The following EPHB4 variants were observed in gnomAD, a reference collection of about 807,000 sequenced individuals.
EPHB4 encodes the protein EPH receptor B4.
A neutral mutation model predicts 110.6 loss-of-function variants in EPHB4; 50 were observed. The ratio of observed to expected loss-of-function variants is 0.45; its 90% CI spans 0.36 to 0.57. The LOEUF (loss-of-function observed/expected upper bound fraction) is 0.57. Ranked by LOEUF, EPHB4 falls within the 20% of genes least tolerant of loss-of-function variation. The probability of loss-of-function intolerance (pLI) is 0.00; values close to 1 mark genes in which losing one functional copy is unlikely to be tolerated. For missense variants in EPHB4, 1,128 were observed against 1,382.1 expected (o/e 0.82, Z 2.91); for synonymous variants, 592 against 578.4 (o/e 1.02, Z -0.34).
intron 16 of EPHB4, among the ~76,000 whole-genome samples, chr7:100,803,812 G>A (rs1584651294): frequency 1.3e-5 from 2 of 152,200 alleles, no homozygotes; most frequent in Non-Finnish European, 2.9e-5. Flanking sequence ...GCCAGAGGCA[G>A]GGCCTTTGGC....
At chr7:100,814,042 G>T in intron 8 of EPHB4, 21 bp from the exon 9 acceptor site, 2 of 1,612,564 alleles carry the variant, frequency 1.2e-6, no homozygotes, top group Non-Finnish European at 1.7e-6. Flanking sequence ...AAAGGCTGCT[G>T]ATCAGGAGAA....
At chr7:100,811,385 T>C (rs1471450837) in intron 12 of EPHB4, among the ~76,000 whole-genome samples, 3 of 152,316 alleles carry the variant, frequency 2.0e-5, no homozygotes, top group Non-Finnish European at 2.9e-5. Flanking sequence ...TTGCTTTTTT[T>C]CACATTTGAA....
intron 4 of EPHB4, among the ~76,000 whole-genome samples, chr7:100,821,885 G>A (rs1813243549): frequency 6.6e-6 from 1 of 151,872 alleles, no homozygotes; most frequent in African/African-American, 2.4e-5. Context: ...TTCCAGCTGG[G>A]TGTGGTGACG....
chr7:100,823,947 G>C lies in EPHB4; in HGVS notation c.124-16C>G. Reference sequence around the variant, plus strand: ...GTTCCTCCCACTGTGCAGAGAAGGAGGTCAGCAAGGGGGCTGGGGAGCCGC... The same window carrying C: ...GTTCCTCCCACTGTGCAGAGAAGGACGTCAGCAAGGGGGCTGGGGAGCCGC... On this transcript the variant is annotated splice_polypyrimidine_tract_variant and intron_variant, in intron 2 of 16. Transcript: ENST00000358173. The C allele has an allele frequency of 1.3e-6, 2 of 1,562,038 alleles. No individual in the cohort carries two copies. Among genetic ancestry groups the C allele is most frequent in the Non-Finnish European group, 1.7e-6 (2 of 1,151,576 alleles).
chr7:100,827,175 G>A lies in EPHB4; in HGVS notation c.-145C>T. ...TCAGCGCGGGCCCATGCGAGCGTGCGGGGCACCGGGCGGCGGCGCCAAGTG... is the reference window on the plus strand; with the variant it reads ...TCAGCGCGGGCCCATGCGAGCGTGCAGGGCACCGGGCGGCGGCGCCAAGTG... On this transcript the variant is annotated 5_prime_UTR_variant, in exon 1 of 17. Coordinates refer to ENST00000358173, the MANE Select transcript of EPHB4 (RefSeq NM_004444.5). 2 of 761,808 alleles carry A rather than the reference G, an allele frequency of 2.6e-6. No individual in the cohort carries two copies. The highest frequency in any genetic ancestry group is 3.7e-6 in the Non-Finnish European group (2 of 543,266). The allele number at this position is 761,808 out of a possible 1,614,324, so 47.2% of individuals were successfully genotyped here.
intron 12 of EPHB4, 47 bp from the exon 13 acceptor site, chr7:100,807,627 C>A (rs78791462): frequency 1.3e-6 from 2 of 1,566,184 alleles, no homozygotes; most frequent in East Asian, 2.3e-5. Flanking sequence ...GCCCACCCAC[C>A]GTTCCCCCTC....
chr7:100,805,035 A>G (rs912750363), intron 16 of EPHB4, 131 bp downstream of exon 16: 66 of 1,226,896 alleles, frequency 5.4e-5, no homozygotes, highest in Non-Finnish European at 7.2e-5. Context: ...CCTTCTAGGC[A>G]TGGCATGAGC....
At chr7:100,821,653 G>C (rs1184635117) in intron 4 of EPHB4, among the ~76,000 whole-genome samples, 1 of 150,220 alleles carries the variant, frequency 6.7e-6, no homozygotes, top group Non-Finnish European at 1.5e-5. Context: ...ATTTTTTTTA[G>C]AGACGGGGTC....
At chr7:100,815,702 C>T (rs1813049832) in intron 8 of EPHB4, among the ~76,000 whole-genome samples, 2 of 151,810 alleles carry the variant, frequency 1.3e-5, no homozygotes, top group Admixed American at 1.3e-4. Context: ...GCCACTGGTC[C>T]AATGCTGGGT....
intron 14 of EPHB4, chr7:100,806,165 G>A: frequency 3.3e-6 from 1 of 300,282 alleles, no homozygotes; most frequent in South Asian, 9.1e-5. Context: ...TCACCATGTT[G>A]GCCAGGCTGG....
In EPHB4 at chr7:100,817,332, C is replaced by T. The variant is rs780234148; in HGVS notation, c.1448G>A (p.Arg483Gln). Residue 483 changes from arginine (R) to glutamine (Q), a missense_variant, in exon 8 of 17, where the codon CGG (arginine) becomes CAG (glutamine). Physicochemically the swap from Arg to Gln is conservative, Grantham distance 43. Transcript: ENST00000358173. ...EKGAEGPSSVRFLKTSENRAE... is the reference protein window; with the variant it reads ...EKGAEGPSSVQFLKTSENRAE... ...CCGGTTTTCTGACGTCTTCAGGAAC[C>T]GCACGCTGCTGGGACCCTCGGCGCC... is the stretch of plus-strand genomic sequence containing the variant. The T allele has an allele frequency of 3.9e-5, 61 of 1,582,838 alleles. 1 individual carries two copies. Among genetic ancestry groups the T allele is most frequent in the South Asian group, 1.5e-4 (13 of 86,688 alleles).
At chr7:100,813,283 A>G (rs73170796) in intron 10 of EPHB4, 75 bp from the exon 11 acceptor site, 47 of 995,960 alleles carry the variant, frequency 4.7e-5, no homozygotes, top group Non-Finnish European at 6.7e-5. Flanking sequence ...CATAGCTTTT[A>G]GCCCCAAACC....
rs1261435975 is a variant in EPHB4 at position 100,827,165 on chromosome 7, G to A, written c.-135C>T. 13 of 894,082 alleles carry A rather than the reference G, an allele frequency of 1.5e-5. No homozygotes were observed. In the Admixed American group the frequency reaches 4.8e-4, roughly 33 times the overall value. 55.4% of individuals were successfully genotyped at this position (894,082 alleles called of 1,614,324 possible). Reference sequence around the variant, plus strand: ...GTCGGGGCCCTCAGCGCGGGCCCATGCGAGCGTGCGGGGCACCGGGCGGCG... The same window carrying A: ...GTCGGGGCCCTCAGCGCGGGCCCATACGAGCGTGCGGGGCACCGGGCGGCG... On this transcript the variant is annotated 5_prime_UTR_variant, in exon 1 of 17. Coordinates refer to ENST00000358173, the MANE Select transcript of EPHB4 (RefSeq NM_004444.5).
Position 100,823,695 on chromosome 7 carries a change from C to T in EPHB4, c.360G>A (p.Ala120=), listed in dbSNP as rs377679562. 70 of 1,613,412 alleles carry T rather than the reference C, an allele frequency of 4.3e-5. No individual in the cohort carries two copies. The highest frequency in any genetic ancestry group is 7.7e-5 in the South Asian group (7 of 91,090). ...TFTVFYYESD[A]DTATALTPAW... is the part of the protein sequence containing the mutation. ...CTGGCGTGAGGGCCGTGGCCGTGTCCGCATCGCTCTCATAGTAGAAGACGG... is the reference window on the plus strand; with the variant it reads ...CTGGCGTGAGGGCCGTGGCCGTGTCTGCATCGCTCTCATAGTAGAAGACGG... The change falls in exon 3 of 17, where the codon GCG becomes GCA. Residue 120 remains alanine, a synonymous_variant. Coordinates refer to ENST00000358173, the MANE Select transcript of EPHB4 (RefSeq NM_004444.5).
rs1812836107 is a variant in EPHB4, at chr7:100,807,231, T to TG, written c.2334+133_2334+134insC. ...GAAGTCGGCTTCCTGGAGCTGACTG[T>TG]CCCCCCACCCACAGCCTGCTCCTGT... On this transcript the variant is annotated intron_variant, in intron 13 of 16. Transcript: ENST00000358173. 9.4e-6 allele frequency: 8 copies of TG among 853,614 alleles called. No homozygotes were observed. The East Asian group carries it at 2.1e-4, about 22-fold the overall frequency. The allele number at this position is 853,614 out of a possible 1,614,324, so 52.9% of individuals were successfully genotyped here.
At chr7:100,805,744 G>C (rs746126541) in intron 14 of EPHB4, 50 bp from the exon 15 acceptor site, 19 of 1,386,800 alleles carry the variant, frequency 1.4e-5, no homozygotes, top group Non-Finnish European at 1.8e-5. Context: ...GAAAAGCAAA[G>C]ATGCTAACAG....
At chr7:100,824,489 G>A in intron 1 of EPHB4, 1 of 572,534 alleles carries the variant, frequency 1.7e-6, no homozygotes, top group Admixed American at 3.0e-5. Flanking sequence ...TAGGCATGGG[G>A]CTCCCTTGGG....
intron 1 of EPHB4, 51 bp from the exon 2 acceptor site, chr7:100,824,324 C>G (rs746377778): frequency 6.3e-6 from 10 of 1,588,918 alleles, no homozygotes; most frequent in Non-Finnish European, 8.6e-6. Context: ...GGAGGGAGGT[C>G]AGGAAGACCA....
chr7:100,805,041 T>A, intron 16 of EPHB4, 125 bp downstream of exon 16: 1 of 1,260,736 alleles, frequency 7.9e-7, no homozygotes, highest in South Asian at 1.5e-5. Flanking sequence ...AGGCATGGCA[T>A]GAGCGCAGTG....
Sources: allele counts gnomAD v4.1 joint callset (sites outside exome capture counted in the v4.1 genomes callset), GRCh38; gene constraint gnomAD v4.1.1; transcripts MANE v1.5; gene names NCBI Gene and HGNC (gene_info 2026-07-23, HGNC 2026-07-21).